The following ALG13 variants were observed in gnomAD, a reference collection of about 807,000 sequenced individuals.
ALG13 encodes ALG13 UDP-N-acetylglucosaminyltransferase subunit.
Under a neutral mutation model 87.8 loss-of-function variants are expected in ALG13, and 11 were observed. That is an observed-to-expected ratio of 0.13 (90% confidence interval 0.08 to 0.21). The LOEUF (loss-of-function observed/expected upper bound fraction) is 0.21. Ranked by LOEUF, ALG13 falls within the 10% of genes least tolerant of loss-of-function variation. ALG13 has a pLI of 1.00. For synonymous variants in ALG13, 320 were observed against 306.3 expected (o/e 1.04, Z -0.47); for missense variants, 756 against 866.1 (o/e 0.87, Z 1.60).
At position 111,725,023 on chromosome X, in the gene ALG13, G is replaced by T. The variant is rs1941818818; in HGVS notation, c.1691G>T (p.Gly564Val). 3 of 1,211,242 alleles carry T rather than the reference G, an allele frequency of 2.5e-6. No homozygotes were observed. The highest frequency in any genetic ancestry group is 1.8e-5 in the South Asian group (1 of 56,921). The change falls in exon 15 of 27, where the codon GGT (glycine) becomes GTT (valine). Residue 564 changes from glycine (G) to valine (V), a missense_variant. Gly to Val is a moderately radical substitution (Grantham distance 109, BLOSUM62 -3). This residue lies in a region of ALG13 where 362 missense variants were observed against 383.5 expected (regional missense o/e 0.94). Transcript: ENST00000394780. ...WNAMPSRKGR[G>V]YQKMPGGYVP... is the part of the protein sequence containing the mutation. ...GCTATGCCCAGTCGGAAAGGAAGAG[G>T]TTACCAGAAAATGCCTGGGGGTTAT...
At position 111,727,788 on chromosome X, in the gene ALG13, T is replaced by G; in HGVS notation, c.2247+18T>G. 1 of 1,166,719 alleles carries G rather than the reference T, an allele frequency of 8.6e-7. No individual in the cohort carries two copies. The highest frequency in any genetic ancestry group is 2.1e-5 in the South Asian group (1 of 48,750). On this transcript the variant is annotated intron_variant, in intron 18 of 26. Coordinates refer to ENST00000394780, the MANE Select transcript of ALG13 (RefSeq NM_001099922.3). ...CTTTACCTGTGAGTGGATCAATGCT[T>G]TACTCAAAAAGCTGTTTACTTTTTT...
At chrX:111,689,000 C>T in intron 3 of ALG13, 1 of 740,401 alleles carries the variant, frequency 1.4e-6, no homozygotes, top group Non-Finnish European at 1.6e-6. Context: ...CATATTATCC[C>T]AACATGCTAA....
chrX:111,718,770 T>G (rs1467185225), intron 10 of ALG13, among the ~76,000 whole-genome samples: 3 of 112,184 alleles, frequency 2.7e-5, no homozygotes, highest in Non-Finnish European at 5.6e-5. Flanking sequence ...GTAGAAAATT[T>G]CTCAGTGTAA....
At chrX:111,729,618 G>A (rs962101545) in intron 19 of ALG13, among the ~76,000 whole-genome samples, 3 of 111,625 alleles carry the variant, frequency 2.7e-5, no homozygotes, top group East Asian at 2.8e-4. Flanking sequence ...AGTTTCATGC[G>A]TGTGTGTTTG....
At chrX:111,709,890 A>G (rs764471039) in intron 5 of ALG13, among the ~76,000 whole-genome samples, 1 of 111,627 alleles carries the variant, frequency 9.0e-6, no homozygotes, top group Non-Finnish European at 1.9e-5. Flanking sequence ...GGAAAGGATT[A>G]TTAGTAACAT....
chrX:111,751,143 A>G (rs1270607959), intron 24 of ALG13, among the ~76,000 whole-genome samples: 6 of 98,189 alleles, frequency 6.1e-5, no homozygotes, highest in African/African-American at 2.3e-4. Flanking sequence ...AGCTCAGCTC[A>G]CAGAAACCTC....
At chrX:111,732,139 A>G (rs963338773) in intron 21 of ALG13, among the ~76,000 whole-genome samples, 3 of 111,742 alleles carry the variant, frequency 2.7e-5, no homozygotes, top group African/African-American at 3.3e-5. Flanking sequence ...GCAAACTACT[A>G]ATTCTCTCCT....
Position 111,720,137 on chromosome X carries a change from A to G in ALG13, c.1293A>G (p.Pro431=), listed in dbSNP as rs7063657. 26,506 of 1,192,281 alleles carry G rather than the reference A, an allele frequency of 0.022. 2,654 individuals carry two copies. In the African/African-American group the frequency reaches 0.35, roughly 16 times the overall value. The part of the protein sequence containing the change: ...WGACYNAENI[P]EGYNKGTEET... ...CCTGCTACAATGCTGAAAATATACC[A>G]GAGGGCTACAATAAAGGAACAGAAG... Residue 431 remains proline (P), a synonymous_variant, in exon 11 of 27, where the codon CCA becomes CCG. Transcript: ENST00000394780.
intron 11 of ALG13, among the ~76,000 whole-genome samples, chrX:111,720,425 A>C (rs1443656979): frequency 1.8e-5 from 2 of 112,316 alleles, no homozygotes; most frequent in Admixed American, 9.4e-5. Flanking sequence ...ATATGTTTTT[A>C]AGTTAAATAT....
chrX:111,755,841 T>C (rs567593590), intron 25 of ALG13, among the ~76,000 whole-genome samples: 9 of 112,337 alleles, frequency 8.0e-5, no homozygotes, highest in African/African-American at 2.9e-4. Flanking sequence ...AGTTCAACCA[T>C]TGTGGAAGAC....
At chrX:111,729,658 G>T (rs1212085926) in intron 19 of ALG13, among the ~76,000 whole-genome samples, 1 of 111,711 alleles carries the variant, frequency 9.0e-6, no homozygotes, top group Non-Finnish European at 1.9e-5. Flanking sequence ...ATCAAATTTA[G>T]TTTAGAACTG....
At chrX:111,692,207 A>G (rs1569512713) in intron 3 of ALG13, among the ~76,000 whole-genome samples, 1 of 111,740 alleles carries the variant, frequency 8.9e-6, no homozygotes, top group East Asian at 2.8e-4. Context: ...AACCCCTTAT[A>G]TCTAATTGGT....
intron 19 of ALG13, among the ~76,000 whole-genome samples, chrX:111,729,639 T>C (rs951030885): frequency 8.9e-6 from 1 of 111,832 alleles, no homozygotes; most frequent in African/African-American, 3.3e-5. Context: ...ATAAGTGGTG[T>C]GTTTAAGAAT....
chrX:111,706,923 CAAAAAAA>C (rs776803537), intron 3 of ALG13, among the ~76,000 whole-genome samples: 1 of 35,733 alleles, frequency 2.8e-5, no homozygotes, highest in Non-Finnish European at 5.4e-5. Flanking sequence ...TCCACAGATA[CAAAAAAA>C]AAAAAAAAAG....
intron 3 of ALG13, among the ~76,000 whole-genome samples, chrX:111,705,813 CTCTG>C (rs1938640797): frequency 1.8e-5 from 2 of 110,796 alleles, no homozygotes; most frequent in African/African-American, 6.5e-5. Context: ...TTTTCTCTTG[CTCTG>C]TCTCCTTTTG....
chrX:111,701,094 T>G (rs1008495703), intron 3 of ALG13, among the ~76,000 whole-genome samples: 4 of 111,382 alleles, frequency 3.6e-5, no homozygotes, highest in Non-Finnish European at 5.7e-5. Flanking sequence ...TCTTGTAATG[T>G]GTTGTGGAAT....
chrX:111,725,594 A>G (rs1941905817), intron 15 of ALG13, among the ~76,000 whole-genome samples: 1 of 111,591 alleles, frequency 9.0e-6, no homozygotes, highest in African/African-American at 3.3e-5. Flanking sequence ...CAAAAAAACT[A>G]GAGGACTGGA....
chrX:111,698,040 A>AT lies in ALG13; in HGVS notation c.384-9985dup, dbSNP rs201637152. Reference sequence around the variant, plus strand: ...TACATGTGAATAGTTAAAAATGTTAATTGATTATACAAGGCTTACAACAAG... The same window carrying AT: ...TACATGTGAATAGTTAAAAATGTTAATTTGATTATACAAGGCTTACAACAAG... On this transcript the variant is annotated intron_variant, in intron 3 of 26. Coordinates refer to ENST00000394780, the MANE Select transcript of ALG13 (RefSeq NM_001099922.3). Among the ~76,000 whole-genome samples the AT allele has an allele frequency of 6.0e-3, 673 of 112,039 alleles. 4 individuals carry two copies. The highest frequency in any genetic ancestry group is 0.02 in the African/African-American group (631 of 30,895).
chrX:111,729,691 C>T (rs1282254371), intron 19 of ALG13, among the ~76,000 whole-genome samples: 1 of 111,811 alleles, frequency 8.9e-6, no homozygotes, highest in African/African-American at 3.3e-5. Context: ...TGGTGGAAAA[C>T]TGTCCGATTG....
Sources: gnomAD v4.1 joint callset for allele counts (sites outside exome capture counted in the v4.1 genomes callset) on GRCh38, gnomAD v4.1.1 for gene constraint, gnomAD v4.1.1 regional missense constraint, MANE v1.5 for transcripts, NCBI Gene and HGNC (gene_info 2026-07-23, HGNC 2026-07-21) for gene names.